Variants in CSDE1 observed in about 807,000 individuals in gnomAD.
CSDE1 encodes cold shock domain-containing protein E1.
A neutral mutation model predicts 89.3 loss-of-function variants in CSDE1; 17 were observed. The ratio of observed to expected loss-of-function variants is 0.19; its 90% CI spans 0.13 to 0.29. The LOEUF is 0.29. Ranked by LOEUF, CSDE1 falls within the 10% of genes least tolerant of loss-of-function variation. The probability of loss-of-function intolerance (pLI) is 1.00; values close to 1 mark genes in which losing one functional copy is unlikely to be tolerated. For synonymous variants in CSDE1, 322 were observed against 332.8 expected (o/e 0.97, Z 0.35); for missense variants, 672 against 984.2 (o/e 0.68, Z 4.24).
chr1:114,732,489 T>A (rs1374457740), intron 10 of CSDE1, 115 bp downstream of exon 10: 1 of 862,544 alleles, frequency 1.2e-6, no homozygotes, highest in African/African-American at 1.7e-5. Context: ...CTTAACAAGG[T>A]AAATGCCCAT....
chr1:114,721,613 CAG>C (rs1659525585), intron 16 of CSDE1, among the ~76,000 whole-genome samples: 1 of 152,164 alleles, frequency 6.6e-6, no homozygotes, highest in Non-Finnish European at 1.5e-5. Context: ...ATTGTTGAGA[CAG>C]GGTCTCGCTC....
At chr1:114,730,054 TC>T (rs1660018454) in intron 12 of CSDE1, among the ~76,000 whole-genome samples, 1 of 152,058 alleles carries the variant, frequency 6.6e-6, no homozygotes, top group East Asian at 1.9e-4. Context: ...AAACATCCCA[TC>T]CCCCACAGTA....
At chr1:114,729,259 C>G (rs1985866) in intron 12 of CSDE1, among the ~76,000 whole-genome samples, 2,709 of 151,800 alleles carry the variant, frequency 0.018, 80 homozygotes, top group African/African-American at 0.062. Context: ...CTACTATGCC[C>G]GGCTAATTTT....
chr1:114,723,018 T>A (rs943325769), intron 16 of CSDE1, among the ~76,000 whole-genome samples: 5 of 152,126 alleles, frequency 3.3e-5, no homozygotes, highest in Admixed American at 6.6e-5. Context: ...TTAAAATTTT[T>A]TTATTATTAG....
chr1:114,756,103 G>A (rs1019580516), intron 1 of CSDE1, among the ~76,000 whole-genome samples: 1 of 152,146 alleles, frequency 6.6e-6, no homozygotes, highest in Non-Finnish European at 1.5e-5. Context: ...CAGCTTTCAC[G>A]CTTTCAATTT....
chr1:114,718,205 T>G lies in CSDE1; in HGVS notation c.2361A>C (p.Ala787=). 2 of 1,614,100 alleles carry G rather than the reference T, an allele frequency of 1.2e-6. No individual in the cohort carries two copies. ...CACCAGCTTGACGGATCTTTCTTTC[T>G]GCACCAAACCCCTGTGGGGGGGAGA... The part of the protein sequence containing the change: ...RGPDNSMGFG[A]ERKIRQAGVI... The change falls in exon 20 of 20, where the codon GCA becomes GCC. Residue 787 remains alanine, a synonymous_variant. Coordinates refer to ENST00000358528, the MANE Select transcript of CSDE1 (RefSeq NM_001007553.3).
At chr1:114,736,404 TC>T (rs1278037634) in intron 6 of CSDE1, among the ~76,000 whole-genome samples, 2 of 152,086 alleles carry the variant, frequency 1.3e-5, no homozygotes, top group African/African-American at 4.8e-5. Context: ...TTGGCCATTT[TC>T]CCCCAACATG....
intron 12 of CSDE1, chr1:114,727,593 TA>T (rs1659864884): frequency 6.6e-6 from 1 of 152,234 alleles, no homozygotes; most frequent in Non-Finnish European, 1.5e-5. Context: ...GTACTTGACA[TA>T]AAGTAGATGA....
At chr1:114,726,470 C>T in intron 13 of CSDE1, 84 bp from the exon 14 acceptor site, 1 of 1,055,094 alleles carries the variant, frequency 9.5e-7, no homozygotes, top group Non-Finnish European at 1.3e-6. Context: ...TATAACTCCC[C>T]CAGCGCATGC....
chr1:114,744,030 A>G (rs1288806333), intron 2 of CSDE1, among the ~76,000 whole-genome samples: 1 of 152,262 alleles, frequency 6.6e-6, no homozygotes. Context: ...AATCAGCACC[A>G]TCAAAAAACA....
chr1:114,732,135 T>C (rs770713419), intron 10 of CSDE1, among the ~76,000 whole-genome samples: 27 of 152,206 alleles, frequency 1.8e-4, no homozygotes, highest in Non-Finnish European at 3.4e-4. Context: ...AAAAAGCTCA[T>C]CAGCTATCAT....
intron 13 of CSDE1, 67 bp downstream of exon 13, chr1:114,726,916 A>G: frequency 9.6e-7 from 1 of 1,038,976 alleles, no homozygotes; most frequent in Non-Finnish European, 1.5e-6. Context: ...TGAAGAACCC[A>G]TCCTGCAGGA....
intron 13 of CSDE1, 75 bp from the exon 14 acceptor site, chr1:114,726,461 A>G (rs778031934): frequency 2.4e-5 from 28 of 1,188,782 alleles, no homozygotes; most frequent in East Asian, 5.1e-5. Flanking sequence ...AACAAGACCT[A>G]TAACTCCCCC....
chr1:114,753,346 C>A (rs1661408951), intron 1 of CSDE1, among the ~76,000 whole-genome samples: 1 of 152,196 alleles, frequency 6.6e-6, no homozygotes, highest in Admixed American at 6.5e-5. Flanking sequence ...CTATTAGGAG[C>A]TATTAAAGCT....
At chr1:114,718,367 G>T in intron 19 of CSDE1, 151 bp from the exon 20 acceptor site, 1 of 1,036,084 alleles carries the variant, frequency 9.7e-7, no homozygotes, top group Non-Finnish European at 1.4e-6. Flanking sequence ...AAAATCCACA[G>T]TAAGCACTCC....
intron 6 of CSDE1, among the ~76,000 whole-genome samples, 195 bp from the exon 7 acceptor site, chr1:114,734,718 C>T (rs535419637): frequency 6.6e-6 from 1 of 152,272 alleles, no homozygotes; most frequent in East Asian, 1.9e-4. Flanking sequence ...ACTCCTTAGC[C>T]TTCTACGTTT....
chr1:114,741,384 CT>C, intron 2 of CSDE1: 1 of 708,606 alleles, frequency 1.4e-6, no homozygotes, highest in African/African-American at 1.8e-5. Flanking sequence ...CTGAAGTTAT[CT>C]TTCAAGAGTG....
chr1:114,741,234 G>T lies in CSDE1; in HGVS notation c.1-1344C>A, dbSNP rs149480071. Among the ~76,000 whole-genome samples the T allele has an allele frequency of 3.0e-3, 453 of 152,284 alleles. 2 individuals are homozygous for T. The highest frequency in any genetic ancestry group is 0.01 in the African/African-American group (425 of 41,554). ...CAAGAAGGTCTGGCTGTAAACCAGG[G>T]CTTCTCAAATGAGAAGTTAAAATAT... On this transcript the variant is annotated intron_variant, in intron 2 of 19. Transcript: ENST00000358528.
intron 3 of CSDE1, among the ~76,000 whole-genome samples, chr1:114,738,764 G>A (rs887952377): frequency 6.2e-5 from 9 of 144,854 alleles, no homozygotes; most frequent in African/African-American, 1.3e-4. Context: ...TCTACCTTGC[G>A]GGCTCAAGCG....
Sources: gnomAD v4.1 joint callset for allele counts (sites outside exome capture counted in the v4.1 genomes callset) on GRCh38, gnomAD v4.1.1 for gene constraint, MANE v1.5 for transcripts, NCBI Gene and HGNC (gene_info 2026-07-23, HGNC 2026-07-21) for gene names.